The following PTDSS1 variants were observed in gnomAD, a reference collection of about 807,000 sequenced individuals.
PTDSS1 encodes PSS-1.
PTDSS1 carries 45 observed loss-of-function variants against 70.5 expected under a neutral mutation model. The ratio of observed to expected loss-of-function variants is 0.64; its 90% CI spans 0.50 to 0.82. PTDSS1 has a LOEUF of 0.82. Ranked by LOEUF, PTDSS1 falls within the 40% of genes least tolerant of loss-of-function variation. The pLI, the probability that PTDSS1 is intolerant of heterozygous loss-of-function variation, is 0.00. For synonymous variants in PTDSS1, 188 were observed against 203.8 expected (o/e 0.92, Z 0.66); for missense variants, 417 against 586.1 (o/e 0.71, Z 2.98).
At chr8:96,278,966 G>GC (rs550080828) in intron 2 of PTDSS1, among the ~76,000 whole-genome samples, 1,864 of 136,628 alleles carry the variant, frequency 0.014, 32 homozygotes, top group African/African-American at 0.041. Flanking sequence ...ACACCATTCA[G>GC]CCCCCCTTTT....
intron 6 of PTDSS1, among the ~76,000 whole-genome samples, chr8:96,300,142 C>G (rs540046842): frequency 6.6e-6 from 1 of 152,246 alleles, no homozygotes; most frequent in East Asian, 1.9e-4. Context: ...CCTCAGCCTT[C>G]ATTCAGACTC....
intron 9 of PTDSS1, among the ~76,000 whole-genome samples, chr8:96,310,251 G>A (rs1811189454): frequency 6.8e-6 from 1 of 146,552 alleles, no homozygotes; most frequent in Non-Finnish European, 1.5e-5. Context: ...TGCAACCTCT[G>A]CCTTCTGGGC....
Position 96,287,139 on chromosome 8 carries a change from A to G in PTDSS1, c.434A>G (p.Asp145Gly). ...CTTCGATACGCCACAAGGGAAGCAGATGTCATGGTATGTACTTGTCAGTGG... is the reference window on the plus strand; with the variant it reads ...CTTCGATACGCCACAAGGGAAGCAGGTGTCATGGTATGTACTTGTCAGTGG... ...PNLRYATREA[D>G]VMEYAVNCHV... The change falls in exon 4 of 13, where the codon GAT (aspartate) becomes GGT (glycine). Residue 145 changes from aspartate to glycine, a missense_variant. By Grantham distance (94) the Asp-to-Gly change is moderately conservative. Transcript: ENST00000517309. 1 of 1,614,180 alleles carries G rather than the reference A, an allele frequency of 6.2e-7. No individual in the cohort carries two copies. The highest frequency in any genetic ancestry group is 8.5e-7 in the Non-Finnish European group (1 of 1,180,004).
At chr8:96,265,478 T>G (rs1347579378) in intron 1 of PTDSS1, among the ~76,000 whole-genome samples, 1 of 152,230 alleles carries the variant, frequency 6.6e-6, no homozygotes, top group African/African-American at 2.4e-5. Flanking sequence ...ATCTCCTGTC[T>G]TTATCACCAT....
At chr8:96,295,307 T>G in intron 5 of PTDSS1, 51 bp downstream of exon 5, 1 of 1,514,652 alleles carries the variant, frequency 6.6e-7, no homozygotes, top group Non-Finnish European at 8.9e-7. Context: ...GTGTGTAGTT[T>G]ATATATAGGA....
chr8:96,327,888 C>A (rs9886481), intron 10 of PTDSS1, among the ~76,000 whole-genome samples: 1 of 151,906 alleles, frequency 6.6e-6, no homozygotes, highest in Non-Finnish European at 1.5e-5. Flanking sequence ...TAAATCTGAG[C>A]CTTGACATTT....
intron 2 of PTDSS1, among the ~76,000 whole-genome samples, chr8:96,282,655 G>C (rs150918456): frequency 1.3e-3 from 200 of 152,260 alleles, no homozygotes; most frequent in African/African-American, 4.5e-3. Context: ...TTCATAATAA[G>C]AACTTGACTT....
At chr8:96,266,878 G>A (rs1449314820) in intron 1 of PTDSS1, among the ~76,000 whole-genome samples, 2 of 151,484 alleles carry the variant, frequency 1.3e-5, no homozygotes, top group Admixed American at 6.6e-5. Context: ...TCCATAATAC[G>A]ATTTCTAATT....
At chr8:96,312,734 C>G (rs184688308) in intron 9 of PTDSS1, among the ~76,000 whole-genome samples, 10 of 152,072 alleles carry the variant, frequency 6.6e-5, no homozygotes, top group African/African-American at 9.7e-5. Flanking sequence ...CTCCTGTGTG[C>G]GTGAACAGCC....
At chr8:96,317,290 T>A (rs1180117142) in intron 9 of PTDSS1, among the ~76,000 whole-genome samples, 1 of 152,022 alleles carries the variant, frequency 6.6e-6, no homozygotes, top group Non-Finnish European at 1.5e-5. Context: ...TCCACACTTA[T>A]GTAATCCCAT....
At position 96,333,702 on chromosome 8, in the gene PTDSS1, T is replaced by C. The variant is rs1811553324; in HGVS notation, c.*136T>C. ...GGCGAGGGCACTTGGGGGTCATTAT[T>C]TGAGATCGTAAGTCTTGTTTCCCAC... On this transcript the variant is annotated 3_prime_UTR_variant, in exon 13 of 13. Transcript: ENST00000517309. 1.2e-6 allele frequency: 1 copy of C among 840,488 alleles called. No homozygotes were observed. The allele number at this position is 840,488 out of a possible 1,614,324, so 52.1% of individuals were successfully genotyped here.
chr8:96,275,775 G>A lies in PTDSS1; in HGVS notation c.271+2385G>A, dbSNP rs536783568. On this transcript the variant is annotated intron_variant, in intron 2 of 12. Transcript: ENST00000517309. ...ACATGACTAGGTGACTATTCAGATG[G>A]TAGTGACAGTTTATTCCCCATTCCC... Among the ~76,000 whole-genome samples the A allele has an allele frequency of 3.9e-5, 6 of 152,180 alleles. No homozygotes were observed. In the South Asian group the frequency reaches 1.2e-3, roughly 32 times the overall value.
intron 9 of PTDSS1, among the ~76,000 whole-genome samples, chr8:96,313,723 G>T (rs961073719): frequency 6.6e-6 from 1 of 152,160 alleles, no homozygotes; most frequent in Non-Finnish European, 1.5e-5. Flanking sequence ...CTCCTCACCC[G>T]ACCAGTTTCC....
intron 10 of PTDSS1, among the ~76,000 whole-genome samples, chr8:96,326,173 G>A (rs1371533086): frequency 1.3e-5 from 2 of 152,006 alleles, no homozygotes; most frequent in Non-Finnish European, 2.9e-5. Flanking sequence ...CCCTTCCCAC[G>A]CTGTTTTCTC....
chr8:96,331,633 G>A (rs1811517971), intron 12 of PTDSS1, among the ~76,000 whole-genome samples: 1 of 152,054 alleles, frequency 6.6e-6, no homozygotes, highest in Non-Finnish European at 1.5e-5. Context: ...CAGGATCTGA[G>A]TGAAAGACTT....
At chr8:96,288,249 C>T (rs1396099557) in intron 4 of PTDSS1, among the ~76,000 whole-genome samples, 1 of 152,158 alleles carries the variant, frequency 6.6e-6, no homozygotes, top group Non-Finnish European at 1.5e-5. Context: ...ACCACCCTCC[C>T]AGCATGTGGA....
chr8:96,285,537 TG>T lies in PTDSS1; in HGVS notation c.316+1385del, dbSNP rs577062624. On this transcript the variant is annotated intron_variant, in intron 3 of 12. Transcript: ENST00000517309. The stretch of plus-strand genomic sequence containing the variant: ...ATACCTCCCATTGATTCAATAGTGC[TG>T]TTTGAAGTTATAAGTTATTTTCAGC... 5.9e-5 allele frequency among the ~76,000 whole-genome samples: 9 copies of T among 152,350 alleles called. No homozygotes were observed. The South Asian group carries it at 1.9e-3, about 32-fold the overall frequency.
intron 2 of PTDSS1, among the ~76,000 whole-genome samples, chr8:96,273,705 T>C (rs1413692162): frequency 6.6e-6 from 1 of 150,760 alleles, no homozygotes; most frequent in Non-Finnish European, 1.5e-5. Flanking sequence ...TCAATAAATG[T>C]GGTTGTTTTT....
intron 10 of PTDSS1, among the ~76,000 whole-genome samples, chr8:96,321,935 G>A (rs1811377897): frequency 6.6e-6 from 1 of 152,204 alleles, no homozygotes; most frequent in Non-Finnish European, 1.5e-5. Flanking sequence ...AGGGAAATGT[G>A]TCAGACATGC....
Sources: gnomAD v4.1 joint callset for allele counts (sites outside exome capture counted in the v4.1 genomes callset) on GRCh38, gnomAD v4.1.1 for gene constraint, MANE v1.5 for transcripts, NCBI Gene and HGNC (gene_info 2026-07-23, HGNC 2026-07-21) for gene names.